The following RSPH10B variants were observed in gnomAD, a reference collection of about 807,000 sequenced individuals.
RSPH10B encodes radial spoke head 10 homolog B.
In RSPH10B, 7 loss-of-function variants were observed where a neutral mutation model predicts 52.5. The ratio of observed to expected loss-of-function variants is 0.13; its 90% CI spans 0.08 to 0.25. RSPH10B has a LOEUF of 0.25. Among genes scored for constraint, RSPH10B ranks in the 10% least tolerant of loss-of-function variants. RSPH10B has a pLI of 1.00. For missense variants in RSPH10B, 89 were observed against 542.5 expected (o/e 0.16, Z 8.30); for synonymous variants, 28 against 193.2 (o/e 0.14, Z 7.09).
chr7:5,958,104 A>C, intron 5 of RSPH10B, 77 bp from the exon 8 acceptor site: 5 of 438,406 alleles, frequency 1.1e-5, no homozygotes, highest in Non-Finnish European at 2.0e-5. Context: ...TCTTTTAAAC[A>C]CTCCCCTTGA....
rs555426545 is a variant in RSPH10B at position 5,926,362 on chromosome 7, GTCTC to G, written c.*2_*5del. ...CCTAAGCCTGTGTGTGTGTCCTCGTGTCTCTCTACTTTTTCTTCTTCTTGCTGGT... is the reference window on the plus strand; with the variant it reads ...CCTAAGCCTGTGTGTGTGTCCTCGTGTCTACTTTTTCTTCTTCTTGCTGGT... On this transcript the variant is annotated 3_prime_UTR_variant, in exon 19 of 19. Coordinates refer to ENST00000337579, the Ensembl canonical transcript of RSPH10B. 1.8e-3 allele frequency: 2,562 copies of G among 1,386,102 alleles called. 5 individuals are homozygous for G. The African/African-American group carries it at 0.033, about 18-fold the overall frequency. 85.9% of individuals were successfully genotyped at this position (1,386,102 alleles called of 1,614,324 possible).
intron 13 of RSPH10B, among the ~76,000 whole-genome samples, chr7:5,942,926 A>ATTTT (rs10616078): frequency 1.2e-4 from 17 of 141,048 alleles, no homozygotes; most frequent in Admixed American, 4.4e-4. Flanking sequence ...ATATATATAT[A>ATTTT]TTTTTTTTTA....
At chr7:5,927,098 A>G (rs75323926) in intron 18 of RSPH10B, among the ~76,000 whole-genome samples, 64 of 74,486 alleles carry the variant, frequency 8.6e-4, no homozygotes, top group Middle Eastern at 9.8e-3. Context: ...GTGTGTGTGT[A>G]TTTTTTTTTT....
At chr7:5,943,937 A>C (rs151020252) in exon 12 of RSPH10B, 22,481 of 1,601,952 alleles carry the variant, frequency 0.014, 410 homozygotes, top group Non-Finnish European at 0.016. Context: ...ATTTGGACGA[A>C]TGTTCTCGGT....
Position 5,942,896 on chromosome 7 carries a change from TTATA to T in RSPH10B, c.1758+424_1758+427del, listed in dbSNP as rs1188484420. 4.0e-4 allele frequency among the ~76,000 whole-genome samples: 52 copies of T among 129,410 alleles called. 1 individual carries two copies. The highest frequency in any genetic ancestry group is 7.4e-4 in the Non-Finnish European group (45 of 61,192). The allele number at this position is 129,410 out of a possible 152,430, so 84.9% of individuals were successfully genotyped here. A position where few individuals can be genotyped will look rare whatever the true frequency, so the allele number is the denominator to read the frequency against. On this transcript the variant is annotated intron_variant, in intron 13 of 18. Transcript: ENST00000337579. ...AAAATTAAAAATATATATATATTTA[TTATA>T]TATATATTTATTTATATATATATAT... is the stretch of plus-strand genomic sequence containing the variant.
At chr7:5,941,874 G>T (rs1201254305) in intron 13 of RSPH10B, among the ~76,000 whole-genome samples, 1 of 147,504 alleles carries the variant, frequency 6.8e-6, no homozygotes, top group Non-Finnish European at 1.5e-5. Flanking sequence ...TGTTTTAAAT[G>T]ATATCCATCC....
chr7:5,957,791 C>G, intron 6 of RSPH10B, 116 bp downstream of exon 8: 1 of 1,421,840 alleles, frequency 7.0e-7, no homozygotes. Context: ...CAGAGAGAGA[C>G]TCTGTCTCAA....
At chr7:5,955,090 G>A (rs547788751) in intron 7 of RSPH10B, among the ~76,000 whole-genome samples, 2 of 138,884 alleles carry the variant, frequency 1.4e-5, no homozygotes, top group African/African-American at 2.6e-5. Flanking sequence ...ACTTGCGCCC[G>A]GGAGGCAGAG....
chr7:5,940,951 T>A (rs1309124069), intron 13 of RSPH10B, among the ~76,000 whole-genome samples: 826 of 82,356 alleles, frequency 0.01, 45 homozygotes, highest in African/African-American at 0.03. Flanking sequence ...TAATTATTAT[T>A]ATTATTATTA....
chr7:5,928,158 A>C, intron 18 of RSPH10B, 38 bp downstream of exon 20: 3 of 1,603,958 alleles, frequency 1.9e-6, no homozygotes, highest in Non-Finnish European at 2.6e-6. Flanking sequence ...GAAGAGAGAG[A>C]GCAGCTGGGG....
intron 10 of RSPH10B, among the ~76,000 whole-genome samples, chr7:5,947,664 G>A (rs1196262074): frequency 2.9e-5 from 3 of 103,708 alleles, no homozygotes; most frequent in Non-Finnish European, 6.2e-5. Context: ...GCGGTGAGCC[G>A]AGATCGTGCC....
chr7:5,926,733 C>CT (rs1459481436), intron 18 of RSPH10B, among the ~76,000 whole-genome samples, 185 bp from the exon 21 acceptor site: 3 of 140,312 alleles, frequency 2.1e-5, no homozygotes, highest in African/African-American at 8.0e-5. Context: ...CCAAAATAAA[C>CT]TTCTCATCTA....
intron 17 of RSPH10B, among the ~76,000 whole-genome samples, chr7:5,929,325 G>A (rs546846584): frequency 0.031 from 4,165 of 132,878 alleles, 185 homozygotes; most frequent in Non-Finnish European, 0.043. Context: ...GACCACAGGC[G>A]GGTGCCACCA....
At chr7:5,927,048 T>TATATATATGTGTGTGTATATATATA (rs1347951159) in intron 18 of RSPH10B, among the ~76,000 whole-genome samples, 1 of 70,838 alleles carries the variant, frequency 1.4e-5, no homozygotes, top group African/African-American at 4.3e-5. Flanking sequence ...TGTGTGTGTA[T>TATATATATGTGTGTGTATATATATA]TATGTGTGTG....
chr7:5,933,395 G>A (rs1221740352), intron 16 of RSPH10B, among the ~76,000 whole-genome samples: 1 of 102,540 alleles, frequency 9.8e-6, no homozygotes, highest in African/African-American at 3.5e-5. Flanking sequence ...TTTACTGAAA[G>A]CCTCTCAAAA....
At chr7:5,958,993 C>T in exon 5 of RSPH10B, 2 of 1,327,016 alleles carry the variant, frequency 1.5e-6, no homozygotes, top group Admixed American at 1.8e-5. Flanking sequence ...TCATACCTAC[C>T]ATCTTATTCC....
At position 5,944,935 on chromosome 7, in the gene RSPH10B, C is replaced by T. The variant is rs1780412214; in HGVS notation, c.1529+129G>A. 11 of 628,326 alleles carry T rather than the reference C, an allele frequency of 1.8e-5. 1 individual carries two copies. Among genetic ancestry groups the T allele is most frequent in the Middle Eastern group, 6.4e-4 (2 of 3,132 alleles). The allele number at this position is 628,326 out of a possible 1,614,324, so 38.9% of individuals were successfully genotyped here. A position where few individuals can be genotyped will look rare whatever the true frequency, so the allele number is the denominator to read the frequency against. ...CCAAGATTGTGCCACTGCACTCCAGCCTGGGCGACAGAGCAAGACTCCATC... is the reference window on the plus strand; with the variant it reads ...CCAAGATTGTGCCACTGCACTCCAGTCTGGGCGACAGAGCAAGACTCCATC... On this transcript the variant is annotated intron_variant, in intron 11 of 18. Transcript: ENST00000337579.
intron 18 of RSPH10B, among the ~76,000 whole-genome samples, chr7:5,927,050 A>ATATATGTGTGTGTATATATATGTG (rs1779490419): frequency 5.3e-5 from 3 of 56,134 alleles, no homozygotes; most frequent in Admixed American, 4.4e-4. Context: ...TGTGTGTATT[A>ATATATGTGTGTGTATATATATGTG]TGTGTGTGTG....
intron 1 of RSPH10B, among the ~76,000 whole-genome samples, chr7:5,966,255 C>T (rs1163209885): frequency 6.6e-5 from 5 of 75,604 alleles, no homozygotes; most frequent in Non-Finnish European, 1.1e-4. Flanking sequence ...AATAGACGGT[C>T]GTACAACACT....
Sources: gnomAD v4.1 joint callset for allele counts (sites outside exome capture counted in the v4.1 genomes callset) on GRCh38, gnomAD v4.1.1 for gene constraint, MANE v1.5 for transcripts, NCBI Gene and HGNC (gene_info 2026-07-23, HGNC 2026-07-21) for gene names.